The following GFRA1 variants were observed in gnomAD, a reference collection of about 807,000 sequenced individuals.
GFRA1 encodes the protein GDNF family receptor alpha 1.
Under a neutral mutation model 51.6 loss-of-function variants are expected in GFRA1, and 16 were observed. The observed-to-expected ratio is 0.31, with a 90% CI of 0.21 to 0.47. GFRA1 has a LOEUF of 0.47. Among genes scored for constraint, GFRA1 ranks in the 20% least tolerant of loss-of-function variants. The pLI is 1.00. For synonymous variants in GFRA1, 270 were observed against 241.3 expected (o/e 1.12, Z -1.10); for missense variants, 530 against 594.3 (o/e 0.89, Z 1.13).
intron 5 of GFRA1, among the ~76,000 whole-genome samples, chr10:116,176,726 C>CTCCTTCCTTCCTTCCT (rs66897810): frequency 1.5e-5 from 2 of 130,528 alleles, no homozygotes; most frequent in African/African-American, 5.8e-5. Context: ...CCCTCCCTCC[C>CTCCTTCCTTCCTTCCT]TCCTTCCTTC....
intron 5 of GFRA1, among the ~76,000 whole-genome samples, chr10:116,155,846 G>A (rs1298825316): frequency 1.3e-5 from 2 of 152,138 alleles, no homozygotes; most frequent in African/African-American, 2.4e-5. Context: ...GTAAAAAATA[G>A]ATGGTTGTAA....
At chr10:116,260,335 TAA>T (rs1370142096) in intron 4 of GFRA1, among the ~76,000 whole-genome samples, 2 of 152,190 alleles carry the variant, frequency 1.3e-5, no homozygotes, top group Non-Finnish European at 2.9e-5. Flanking sequence ...TATCCACACT[TAA>T]CACACTCTAT....
Sources: gnomAD v4.1 joint callset for allele counts (sites outside exome capture counted in the v4.1 genomes callset) on GRCh38, gnomAD v4.1.1 for gene constraint, MANE v1.5 for transcripts, NCBI Gene and HGNC (gene_info 2026-07-23, HGNC 2026-07-21) for gene names.